CADM2: variants seen among roughly 807,000 people sequenced by gnomAD.
CADM2 encodes the protein cell adhesion molecule 2.
Under a neutral mutation model 49.8 loss-of-function variants are expected in CADM2, and 12 were observed. That is an observed-to-expected ratio of 0.24 (90% CI 0.15 to 0.39). The LOEUF is 0.39. CADM2 is among the 10% of genes least tolerant of loss of function. The pLI, the probability that CADM2 is intolerant of heterozygous loss-of-function variation, is 1.00. For synonymous variants in CADM2, 214 were observed against 175.4 expected (o/e 1.22, Z -1.74); for missense variants, 378 against 492.3 (o/e 0.77, Z 2.20).
intron 1 of CADM2, among the ~76,000 whole-genome samples, chr3:85,312,394 G>C (rs6775792): frequency 0.23 from 34,269 of 151,990 alleles, 6,195 homozygotes; most frequent in African/African-American, 0.51. Context: ...TGGTCCTACC[G>C]GTAAGAGACG....
intron 1 of CADM2, among the ~76,000 whole-genome samples, chr3:85,025,754 T>G (rs1175281062): frequency 6.6e-6 from 1 of 152,082 alleles, no homozygotes; most frequent in Non-Finnish European, 1.5e-5. Context: ...CAAATGATAA[T>G]AGACGGAGTT....
chr3:86,040,416 A>T (rs1190098483), intron 8 of CADM2, among the ~76,000 whole-genome samples: 1 of 152,232 alleles, frequency 6.6e-6, no homozygotes, highest in Non-Finnish European at 1.5e-5. Flanking sequence ...AAACCAAGGT[A>T]TGAGAACTAT....
chr3:85,471,741 G>A (rs2038777865), intron 1 of CADM2, among the ~76,000 whole-genome samples: 2 of 88,898 alleles, frequency 2.2e-5, no homozygotes, highest in African/African-American at 7.3e-5. Flanking sequence ...TTAAGTTCTG[G>A]GGTACATGTA....
rs201959735 is a variant in CADM2, at chr3:85,850,474, G to A, written c.239-32817G>A. On this transcript the variant is annotated intron_variant, in intron 3 of 9. Coordinates refer to ENST00000383699, the MANE Select transcript of CADM2 (RefSeq NM_001167675.2). Reference sequence around the variant, plus strand: ...TGAGTAGGTGGGACTACAGGCGCCCGCCACCACGCTCGGATAATTTTTTGT... The same window carrying A: ...TGAGTAGGTGGGACTACAGGCGCCCACCACCACGCTCGGATAATTTTTTGT... Among the ~76,000 whole-genome samples the A allele has an allele frequency of 2.8e-4, 42 of 151,954 alleles. No individual in the cohort carries two copies. The East Asian group carries it at 4.3e-3, about 15-fold the overall frequency.
chr3:85,340,624 A>G (rs2045214438), intron 1 of CADM2, among the ~76,000 whole-genome samples: 5 of 151,504 alleles, frequency 3.3e-5, no homozygotes, highest in African/African-American at 7.2e-5. Context: ...TTTTGGCTCA[A>G]TGTATTGAAA....
At chr3:85,838,972 C>A (rs1005105381) in intron 3 of CADM2, among the ~76,000 whole-genome samples, 2 of 151,818 alleles carry the variant, frequency 1.3e-5, no homozygotes, top group African/African-American at 4.8e-5. Context: ...TGGACTTAGC[C>A]TGACCTACTG....
chr3:86,037,786 T>A (rs1384912028), intron 8 of CADM2, among the ~76,000 whole-genome samples: 2 of 152,188 alleles, frequency 1.3e-5, no homozygotes, highest in African/African-American at 4.8e-5. Context: ...TTAGAAAATA[T>A]TAACTTAGGG....
chr3:85,391,229 G>A (rs1186371472), intron 1 of CADM2, among the ~76,000 whole-genome samples: 1 of 151,896 alleles, frequency 6.6e-6, no homozygotes, highest in Non-Finnish European at 1.5e-5. Flanking sequence ...CATTGATAAA[G>A]AGTTCAATTA....
chr3:85,254,475 C>T (rs1043992694), intron 1 of CADM2, among the ~76,000 whole-genome samples: 6 of 152,024 alleles, frequency 3.9e-5, no homozygotes, highest in Admixed American at 2.6e-4. Context: ...AGTTTCAACC[C>T]TGTAATCCTG....
intron 1 of CADM2, among the ~76,000 whole-genome samples, chr3:85,291,909 T>G (rs1576294543): frequency 6.6e-6 from 1 of 151,470 alleles, no homozygotes; most frequent in East Asian, 1.9e-4. Context: ...GCTAACATCA[T>G]AATGACAGGA....
intron 8 of CADM2, among the ~76,000 whole-genome samples, chr3:86,062,636 C>T (rs558445957): frequency 2.0e-5 from 3 of 147,396 alleles, no homozygotes; most frequent in East Asian, 2.1e-4. Context: ...AAAAATTAGC[C>T]GAGGCTAATT....
At chr3:85,518,648 C>T (rs1162474790) in intron 1 of CADM2, among the ~76,000 whole-genome samples, 1 of 152,168 alleles carries the variant, frequency 6.6e-6, no homozygotes. Context: ...TTCCTTGCCC[C>T]TTCCAACTCC....
intron 1 of CADM2, among the ~76,000 whole-genome samples, chr3:85,574,570 C>G (rs1488599056): frequency 6.6e-6 from 1 of 152,176 alleles, no homozygotes; most frequent in East Asian, 1.9e-4. Context: ...ATCTGTTCAG[C>G]TTTCCCTGGT....
At chr3:85,275,662 A>G (rs182194259) in intron 1 of CADM2, among the ~76,000 whole-genome samples, 39 of 151,272 alleles carry the variant, frequency 2.6e-4, no homozygotes, top group Admixed American at 3.3e-4. Context: ...ACAATTGCAT[A>G]TTTTACAAAA....
chr3:86,017,164 GTGTGTATATATA>G (rs965959784), intron 8 of CADM2, among the ~76,000 whole-genome samples: 22 of 105,864 alleles, frequency 2.1e-4, no homozygotes, highest in Admixed American at 1.8e-3. Flanking sequence ...GTGTGTGTGT[GTGTGTATATATA>G]TATATATATA....
At chr3:85,792,053 T>C (rs908221398) in intron 2 of CADM2, among the ~76,000 whole-genome samples, 1 of 152,202 alleles carries the variant, frequency 6.6e-6, no homozygotes, top group Non-Finnish European at 1.5e-5. Context: ...AATTGTTAAC[T>C]TATTTTGTAT....
chr3:85,650,881 T>G (rs1348410384), intron 1 of CADM2, among the ~76,000 whole-genome samples: 3 of 148,972 alleles, frequency 2.0e-5, no homozygotes, highest in African/African-American at 7.5e-5. Context: ...CATTATATAC[T>G]TCTTTGTAAA....
intron 1 of CADM2, among the ~76,000 whole-genome samples, chr3:85,230,431 C>T (rs528885264): frequency 8.1e-4 from 124 of 152,186 alleles, no homozygotes; most frequent in African/African-American, 2.9e-3. Context: ...TCTCATTGTT[C>T]CATTATAGGT....
At chr3:85,703,755 G>A (rs941496059) in intron 1 of CADM2, among the ~76,000 whole-genome samples, 4 of 152,028 alleles carry the variant, frequency 2.6e-5, no homozygotes, top group African/African-American at 7.2e-5. Flanking sequence ...GGAATGAGAC[G>A]GAAACTTAGC....
Sources: gnomAD v4.1 joint callset for allele counts (sites outside exome capture counted in the v4.1 genomes callset) on GRCh38, gnomAD v4.1.1 for gene constraint, MANE v1.5 for transcripts, NCBI Gene and HGNC (gene_info 2026-07-23, HGNC 2026-07-21) for gene names.